CSNK1A1: variants seen among roughly 807,000 people sequenced by gnomAD.
CSNK1A1 encodes the protein casein kinase 1 alpha 1.
A neutral mutation model predicts 46.1 loss-of-function variants in CSNK1A1; 7 were observed. The ratio of observed to expected loss-of-function variants is 0.15; its 90% CI spans 0.09 to 0.29. The LOEUF is 0.29. CSNK1A1 is among the 10% of genes least tolerant of loss of function. The pLI, the probability that CSNK1A1 is intolerant of heterozygous loss-of-function variation, is 1.00. For missense variants in CSNK1A1, 96 were observed against 417.1 expected (o/e 0.23, Z 6.71); for synonymous variants, 137 against 141.5 (o/e 0.97, Z 0.23).
chr5:149,527,462 A>G (rs116573144), intron 2 of CSNK1A1, among the ~76,000 whole-genome samples: 21 of 152,286 alleles, frequency 1.4e-4, no homozygotes, highest in African/African-American at 4.8e-4. Context: ...TTAAAACAGC[A>G]TACTAAAGCT....
chr5:149,521,403 G>C (rs1203302298), intron 3 of CSNK1A1, among the ~76,000 whole-genome samples: 1 of 151,248 alleles, frequency 6.6e-6, no homozygotes, highest in Non-Finnish European at 1.5e-5. Flanking sequence ...TGGAGTAGCT[G>C]AAACTATAAG....
At chr5:149,506,662 C>T (rs896945017) in intron 8 of CSNK1A1, among the ~76,000 whole-genome samples, 2 of 152,174 alleles carry the variant, frequency 1.3e-5, no homozygotes, top group African/African-American at 4.8e-5. Flanking sequence ...AGGACTGCTA[C>T]CACTTGATCA....
chr5:149,542,628 A>T (rs1040476068), intron 2 of CSNK1A1, among the ~76,000 whole-genome samples: 15 of 12,110 alleles, frequency 1.2e-3, no homozygotes, highest in African/African-American at 8.0e-3. Context: ...ATATATATAT[A>T]TATATATATA....
Position 149,525,235 on chromosome 5 carries a change from A to G in CSNK1A1, c.231-64T>C. On this transcript the variant is annotated intron_variant, in intron 2 of 9. Coordinates refer to ENST00000377843, the MANE Select transcript of CSNK1A1 (RefSeq NM_001892.6). This position sits in a 1 kb window ranked among gnomAD's most constrained non-coding sequence, Gnocchi z 4.2. ...GCTATTACTTAATATCATCAACCCT[A>G]AGAATAATATAGTTTTCTTTCACTG... 7.0e-7 allele frequency: 1 copy of G among 1,432,646 alleles called. No individual in the cohort carries two copies. The highest frequency in any genetic ancestry group is 2.4e-5 in the East Asian group (1 of 40,950). The allele number at this position is 1,432,646 out of a possible 1,614,324, so 88.7% of individuals were successfully genotyped here. A position where few individuals can be genotyped will look rare whatever the true frequency, so the allele number is the denominator to read the frequency against.
chr5:149,509,666 A>G (rs1761153210), intron 7 of CSNK1A1, among the ~76,000 whole-genome samples: 1 of 151,814 alleles, frequency 6.6e-6, no homozygotes, highest in African/African-American at 2.4e-5. Context: ...GGCCTTCTAA[A>G]GTGCTGGGAT....
chr5:149,549,214 T>C (rs1294425945), intron 2 of CSNK1A1: 1 of 432,610 alleles, frequency 2.3e-6, no homozygotes, highest in Non-Finnish European at 4.2e-6. Context: ...TTTTTTTAAA[T>C]ACAACTGATA....
chr5:149,516,859 A>G (rs1380627793), intron 4 of CSNK1A1, among the ~76,000 whole-genome samples: 1 of 152,158 alleles, frequency 6.6e-6, no homozygotes, highest in Admixed American at 6.5e-5. Flanking sequence ...AAAAGGGTTA[A>G]ATGATTATCC....
chr5:149,519,878 G>A (rs1761515314), intron 4 of CSNK1A1, among the ~76,000 whole-genome samples: 1 of 152,074 alleles, frequency 6.6e-6, no homozygotes, highest in African/African-American at 2.4e-5. Context: ...TTCCCACACT[G>A]GCACAAGCAC....
intron 2 of CSNK1A1, among the ~76,000 whole-genome samples, chr5:149,535,328 G>C (rs1449025551): frequency 6.6e-6 from 1 of 152,034 alleles, no homozygotes; most frequent in East Asian, 1.9e-4. Flanking sequence ...CAGTTCCCTG[G>C]CCTAGGCTCA....
intron 2 of CSNK1A1, among the ~76,000 whole-genome samples, chr5:149,528,065 T>A (rs767498420): frequency 6.6e-6 from 1 of 152,216 alleles, no homozygotes; most frequent in Non-Finnish European, 1.5e-5. Flanking sequence ...ATCTGCAAAG[T>A]AAGCCTCTAA....
intron 2 of CSNK1A1, among the ~76,000 whole-genome samples, chr5:149,531,645 C>T (rs1316404376): frequency 2.0e-5 from 3 of 149,858 alleles, no homozygotes; most frequent in Non-Finnish European, 4.4e-5. Context: ...GTCAGGAGTT[C>T]GAGACCAGCC....
At chr5:149,500,521 C>T (rs1337333296) in intron 9 of CSNK1A1, among the ~76,000 whole-genome samples, 1 of 152,074 alleles carries the variant, frequency 6.6e-6, no homozygotes, top group African/African-American at 2.4e-5. Flanking sequence ...TCACGATCTG[C>T]CCGCCTCAGC....
chr5:149,515,395 C>A (rs998980508), intron 4 of CSNK1A1, among the ~76,000 whole-genome samples: 1 of 152,174 alleles, frequency 6.6e-6, no homozygotes, highest in African/African-American at 2.4e-5. Flanking sequence ...ATTCAGTGTT[C>A]GCTGGAGAGT....
rs990647530 is a variant in CSNK1A1, at chr5:149,525,591, C to T, written c.231-420G>A. Among the ~76,000 whole-genome samples, 9 of 152,156 alleles carry T rather than the reference C, an allele frequency of 5.9e-5. No homozygotes were observed. The highest frequency in any genetic ancestry group is 2.2e-4 in the African/African-American group (9 of 41,434). ...GCAAAGATTTCTTTTATCTGAACTT[C>T]GATTCCAGTTCCTACCAAATTGCAT... On this transcript the variant is annotated intron_variant, in intron 2 of 9. Transcript: ENST00000377843. The surrounding 1 kb of genome is among the most constrained non-coding windows in gnomAD (Gnocchi z 4.2).
chr5:149,546,877 T>A (rs537987686), intron 2 of CSNK1A1, among the ~76,000 whole-genome samples: 1 of 152,104 alleles, frequency 6.6e-6, no homozygotes. Flanking sequence ...ACAGAAATAG[T>A]GGGGAACAAA....
intron 2 of CSNK1A1, among the ~76,000 whole-genome samples, chr5:149,533,190 T>C (rs768833412): frequency 2.6e-5 from 4 of 152,222 alleles, no homozygotes; most frequent in Non-Finnish European, 5.9e-5. Context: ...CCACTGTTCA[T>C]TATCAAAGTT....
chr5:149,549,323 G>T (rs544143087), intron 2 of CSNK1A1: 2 of 597,582 alleles, frequency 3.3e-6, no homozygotes, highest in East Asian at 2.8e-5. Context: ...GACCATTCAC[G>T]AAAAGAAAGA....
At chr5:149,502,835 CTT>C (rs1760914170) in intron 9 of CSNK1A1, 3 of 830,728 alleles carry the variant, frequency 3.6e-6, no homozygotes. Context: ...GCGGCACAAT[CTT>C]GGCTCACTGC....
At chr5:149,508,294 T>C (rs1761101190) in intron 7 of CSNK1A1, among the ~76,000 whole-genome samples, 1 of 152,304 alleles carries the variant, frequency 6.6e-6, no homozygotes, top group South Asian at 2.1e-4. Flanking sequence ...TGTAAAATAA[T>C]ACATATTATA....
Sources: gnomAD v4.1 joint callset for allele counts (sites outside exome capture counted in the v4.1 genomes callset) on GRCh38, gnomAD v4.1.1 for gene constraint, Gnocchi (gnomAD v3.1) non-coding constraint, MANE v1.5 for transcripts, NCBI Gene and HGNC (gene_info 2026-07-23, HGNC 2026-07-21) for gene names.